Variants in SPOCK2 observed in about 807,000 individuals in gnomAD.
The protein encoded by SPOCK2 is SPARC (osteonectin), cwcv and kazal like domains proteoglycan 2.
A neutral mutation model predicts 60.1 loss-of-function variants in SPOCK2; 39 were observed. That is an observed-to-expected ratio of 0.65 (90% CI 0.50 to 0.85). The LOEUF (loss-of-function observed/expected upper bound fraction) is 0.85. Ranked by LOEUF, SPOCK2 falls within the 40% of genes least tolerant of loss-of-function variation. The pLI, the probability that SPOCK2 is intolerant of heterozygous loss-of-function variation, is 0.00. For synonymous variants in SPOCK2, 217 were observed against 231.5 expected, an observed-to-expected ratio of 0.94 and a Z score of 0.57; for missense variants, 523 against 567.4, an observed-to-expected ratio of 0.92 and a Z score of 0.80.
chr10:72,088,413 C>T lies in SPOCK2; in HGVS notation c.-85G>A, dbSNP rs1007446358. The T allele has an allele frequency of 5.7e-6, 8 of 1,412,806 alleles. No homozygotes were observed. In the Admixed American group the frequency reaches 2.3e-4, roughly 40 times the overall value. The allele number at this position is 1,412,806 out of a possible 1,614,324, so 87.5% of individuals were successfully genotyped here. A position where few individuals can be genotyped will look rare whatever the true frequency, so the allele number is the denominator to read the frequency against. On this transcript the variant is annotated 5_prime_UTR_variant, in exon 1 of 11. It adds an upstream start codon to the 5' untranslated region. Transcript: ENST00000373109. Reference sequence around the variant, plus strand: ...CCCACCCCGCTGCTGGCGAAGCGCACGCGGCTGTCCTCAGCTCTCCTCCCG... The same window carrying T: ...CCCACCCCGCTGCTGGCGAAGCGCATGCGGCTGTCCTCAGCTCTCCTCCCG...
In SPOCK2 at chr10:72,072,328, C is replaced by T. The variant is rs1246905412; in HGVS notation, c.245-70G>A. On this transcript the variant is annotated intron_variant, in intron 3 of 10. Coordinates refer to ENST00000373109, the MANE Select transcript of SPOCK2 (RefSeq NM_001244950.2). ...AGGAACCTCCAGCCCCACTTCTGAG[C>T]TGGGAGGCCTCTCCCTCCAGCAGCC... The T allele has an allele frequency of 2.7e-6, 4 of 1,457,836 alleles. No homozygotes were observed. The East Asian group carries it at 9.9e-5, about 36-fold the overall frequency. The allele number at this position is 1,457,836 out of a possible 1,614,324, so 90.3% of individuals were successfully genotyped here.
chr10:72,073,148 C>G (rs527639956), intron 1 of SPOCK2, among the ~76,000 whole-genome samples: 4 of 152,152 alleles, frequency 2.6e-5, no homozygotes, highest in Non-Finnish European at 2.9e-5. Flanking sequence ...AGCAGGGGCC[C>G]GTGGCTTTGA....
intron 1 of SPOCK2, among the ~76,000 whole-genome samples, chr10:72,085,445 G>GC (rs2131824828): frequency 6.6e-6 from 1 of 152,326 alleles, no homozygotes; most frequent in Admixed American, 6.5e-5. Flanking sequence ...ATGCTAAGCT[G>GC]CGCTCCCTCT....
intron 1 of SPOCK2, among the ~76,000 whole-genome samples, chr10:72,083,658 G>A (rs1438181986): frequency 6.6e-6 from 1 of 152,202 alleles, no homozygotes. Context: ...CCCAGGCTTG[G>A]AGTCTCGCTG....
At chr10:72,088,707 G>T (rs1462242985), upstream of SPOCK2, 2 of 179,280 alleles carry the variant, frequency 1.1e-5, no homozygotes, top group African/African-American at 4.7e-5. Context: ...AGCCGCAGCG[G>T]GGCCCAGCCC....
intron 1 of SPOCK2, among the ~76,000 whole-genome samples, chr10:72,082,322 T>C (rs1760308452): frequency 2.0e-5 from 3 of 152,234 alleles, no homozygotes; most frequent in Admixed American, 2.0e-4. Flanking sequence ...AAACTGTGTA[T>C]GCAGGCATAG....
In SPOCK2 at chr10:72,087,116, A is replaced by G; in HGVS notation, c.189+1024T>C. 9.5e-7 allele frequency: 1 copy of G among 1,049,504 alleles called. No homozygotes were observed. Among genetic ancestry groups the G allele is most frequent in the Non-Finnish European group, 1.3e-6 (1 of 744,942 alleles). 65.0% of individuals were successfully genotyped at this position (1,049,504 alleles called of 1,614,324 possible). A position where few individuals can be genotyped will look rare whatever the true frequency, so the allele number is the denominator to read the frequency against. On this transcript the variant is annotated intron_variant, in intron 1 of 10. Coordinates refer to ENST00000373109, the MANE Select transcript of SPOCK2 (RefSeq NM_001244950.2). The surrounding 1 kb of genome is among the most constrained non-coding windows in gnomAD (Gnocchi z 4.7). ...TGGCGCATCCGGGCCCATCCCCCAC[A>G]GCACCCCCAACGATCTCGGGGTCCA... is the stretch of plus-strand genomic sequence containing the variant.
rs527243642 is a variant in SPOCK2 at position 72,086,985 on chromosome 10, G to T, written c.189+1155C>A. 7.7e-5 allele frequency: 120 copies of T among 1,551,568 alleles called. No individual in the cohort carries two copies. The East Asian group carries it at 2.9e-3, about 38-fold the overall frequency. On this transcript the variant is annotated intron_variant, in intron 1 of 10. Transcript: ENST00000373109. ...CTGCGTTGTACTGGGTGGGTCGGACGAGGGAACCTGGGGAAGGAGGAGTAA... is the reference window on the plus strand; with the variant it reads ...CTGCGTTGTACTGGGTGGGTCGGACTAGGGAACCTGGGGAAGGAGGAGTAA...
chr10:72,067,183 ATC>A, intron 7 of SPOCK2, 63 bp from the exon 8 acceptor site: 1 of 1,489,574 alleles, frequency 6.7e-7, no homozygotes, highest in Non-Finnish European at 9.1e-7. Context: ...CCAGCCCTCC[ATC>A]TCTCCGCCTC....
chr10:72,086,947 G>T (rs1840865645), intron 1 of SPOCK2: 1 of 1,551,558 alleles, frequency 6.4e-7, no homozygotes, highest in African/African-American at 1.4e-5. Flanking sequence ...AACGGGAGAG[G>T]TCATGGTGTG....
chr10:72,076,512 C>T (rs989841637), intron 1 of SPOCK2, among the ~76,000 whole-genome samples: 7 of 152,190 alleles, frequency 4.6e-5, no homozygotes, highest in African/African-American at 1.7e-4. Context: ...TTTGGAAGAG[C>T]TCGTGGCTTG....
rs758079653 is a variant in SPOCK2 at position 72,062,977 on chromosome 10, G to T, written c.1129+48C>A. 7.0e-6 allele frequency: 11 copies of T among 1,576,116 alleles called. No homozygotes were observed. The highest frequency in any genetic ancestry group is 8.6e-6 in the Non-Finnish European group (10 of 1,163,132). On this transcript the variant is annotated intron_variant, in intron 10 of 10. Coordinates refer to ENST00000373109, the MANE Select transcript of SPOCK2 (RefSeq NM_001244950.2). This position sits in a 1 kb window ranked among gnomAD's most constrained non-coding sequence, Gnocchi z 4.3. ...CACCCCCCAGCATCCCACGACAAGG[G>T]CCCCCAGGCCTGGGCCCCCAGCAGG...
intron 8 of SPOCK2, 143 bp downstream of exon 8, chr10:72,066,759 G>T (rs1244576108): frequency 5.9e-6 from 5 of 847,648 alleles, no homozygotes; most frequent in Non-Finnish European, 9.2e-6. Flanking sequence ...CCCTAAGGGA[G>T]TGCAGGAAGT....
chr10:72,063,162 C>A lies in SPOCK2; in HGVS notation c.992G>T (p.Gly331Val). Residue 331 changes from glycine (G) to valine (V), a missense_variant and splice_region_variant, in exon 10 of 11, where the codon GGC becomes GTC. By Grantham distance (109) the Gly-to-Val change is moderately radical. Coordinates refer to ENST00000373109, the MANE Select transcript of SPOCK2 (RefSeq NM_001244950.2). ...QIQEAAKKKP[G>V]IFIPSCDEDG... is the part of the protein sequence containing the mutation. ...CTCGTCGCAGCTCGGGATGAAGATGCCTGAATGAGACAGTGCCAGGCAGGG... is the reference window on the plus strand; with the variant it reads ...CTCGTCGCAGCTCGGGATGAAGATGACTGAATGAGACAGTGCCAGGCAGGG... 6.4e-7 allele frequency: 1 copy of A among 1,556,374 alleles called. No individual in the cohort carries two copies. Among genetic ancestry groups the A allele is most frequent in the Non-Finnish European group, 8.7e-7 (1 of 1,149,624 alleles).
chr10:72,087,020 T>A lies in SPOCK2; in HGVS notation c.189+1120A>T. The A allele has an allele frequency of 6.5e-7, 1 of 1,549,602 alleles. No homozygotes were observed. On this transcript the variant is annotated intron_variant, in intron 1 of 10. Coordinates refer to ENST00000373109, the MANE Select transcript of SPOCK2 (RefSeq NM_001244950.2). The surrounding 1 kb of genome is among the most constrained non-coding windows in gnomAD (Gnocchi z 4.7). ...GGGGAAGGAGGAGTAAGGGCCAGGG[T>A]CCTAGAAGAGGTTTTCTGGGGTCAG...
At chr10:72,088,917 C>G (rs893831317), upstream of SPOCK2, 1 of 152,384 alleles carries the variant, frequency 6.6e-6, no homozygotes, top group Admixed American at 6.5e-5. Flanking sequence ...CACTGTTTTT[C>G]TCCCCTTGCC....
chr10:72,077,582 C>T (rs532700745), intron 1 of SPOCK2, among the ~76,000 whole-genome samples: 4 of 152,312 alleles, frequency 2.6e-5, no homozygotes, highest in African/African-American at 7.2e-5. Context: ...AGGTCCCTCC[C>T]GCTCTGTGCT....
chr10:72,068,951 GA>G (rs1184333391), intron 5 of SPOCK2: 1 of 152,378 alleles, frequency 6.6e-6, no homozygotes, highest in Non-Finnish European at 1.5e-5. Flanking sequence ...TCTCACTTGG[GA>G]GGCTTGGGTT....
rs769589545 is a variant in SPOCK2, at chr10:72,072,764, G to A, written c.198+138C>T. 60 of 1,417,330 alleles carry A rather than the reference G, an allele frequency of 4.2e-5. No homozygotes were observed. The South Asian group carries it at 5.4e-4, about 13-fold the overall frequency. 87.8% of individuals were successfully genotyped at this position (1,417,330 alleles called of 1,614,324 possible). A position where few individuals can be genotyped will look rare whatever the true frequency, so the allele number is the denominator to read the frequency against. ...TCCAGAATCCTTTCCAGCCTCTCCC[G>A]TGAGCTCCTGATTGCTCCCATGCCA... is the stretch of plus-strand genomic sequence containing the variant. On this transcript the variant is annotated intron_variant, in intron 2 of 10. Transcript: ENST00000373109.
Sources: gnomAD v4.1 joint callset for allele counts (sites outside exome capture counted in the v4.1 genomes callset) on GRCh38, gnomAD v4.1.1 for gene constraint, Gnocchi (gnomAD v3.1) non-coding constraint, MANE v1.5 for transcripts, NCBI Gene and HGNC (gene_info 2026-07-23, HGNC 2026-07-21) for gene names.